The following SULF2 variants were observed in gnomAD, a reference collection of about 807,000 sequenced individuals.
SULF2 encodes sulfatase 2.
In SULF2, 52 loss-of-function variants were observed where a neutral mutation model predicts 107.7. That is an observed-to-expected ratio of 0.48 (90% CI 0.39 to 0.61). The LOEUF (loss-of-function observed/expected upper bound fraction) is 0.61, where lower values mean the gene tolerates loss of function less well. Ranked by LOEUF, SULF2 falls within the 20% of genes least tolerant of loss-of-function variation. The probability of loss-of-function intolerance (pLI) is 0.00; values close to 1 mark genes in which losing one functional copy is unlikely to be tolerated. For missense variants in SULF2, 993 were observed against 1,177.3 expected (o/e 0.84, Z 2.29); for synonymous variants, 460 against 464.3 (o/e 0.99, Z 0.12).
In SULF2 at chr20:47,666,742, G is replaced by A. The variant is rs1209941883; in HGVS notation, c.1577-254C>T. Among the ~76,000 whole-genome samples the A allele has an allele frequency of 1.3e-5, 2 of 152,224 alleles. No individual in the cohort carries two copies. Among genetic ancestry groups the A allele is most frequent in the African/African-American group, 2.4e-5 (1 of 41,456 alleles). On this transcript the variant is annotated intron_variant, in intron 11 of 20. Transcript: ENST00000688720. This position sits in a 1 kb window ranked among gnomAD's most constrained non-coding sequence, Gnocchi z 5.4. ...CCACTGACTCAAGAGGATTTCAAGC[G>A]AGAGCTGCTTGCGGGTAAACAAATG...
intron 4 of SULF2, among the ~76,000 whole-genome samples, chr20:47,700,331 T>C (rs2088519900): frequency 6.6e-6 from 1 of 152,214 alleles, no homozygotes; most frequent in African/African-American, 2.4e-5. Context: ...ACGGCAGACT[T>C]CTGCAGTGGT....
chr20:47,713,761 A>AAAT (rs1555841973), intron 3 of SULF2, among the ~76,000 whole-genome samples: 4 of 151,150 alleles, frequency 2.6e-5, no homozygotes, highest in African/African-American at 9.7e-5. Context: ...GAAAAAAAAA[A>AAAT]AATAATAAAA....
At chr20:47,661,941 C>G (rs1568776056) in intron 17 of SULF2, 45 bp from the exon 18 acceptor site, 1 of 1,453,482 alleles carries the variant, frequency 6.9e-7, no homozygotes, top group Admixed American at 2.0e-5. Context: ...AGTACAGGGA[C>G]TCTCGCCCTG....
At chr20:47,679,938 T>C (rs1433539965) in intron 7 of SULF2, among the ~76,000 whole-genome samples, 1 of 152,174 alleles carries the variant, frequency 6.6e-6, no homozygotes, top group Non-Finnish European at 1.5e-5. Flanking sequence ...CTATATAATT[T>C]ACTTATTTCT....
At chr20:47,693,328 A>ACCGCCAGTGGTGGACACTTGCTGCCAC (rs2088264505) in intron 4 of SULF2, among the ~76,000 whole-genome samples, 1 of 152,106 alleles carries the variant, frequency 6.6e-6, no homozygotes, top group African/African-American at 2.4e-5. Flanking sequence ...ATGAGATGGA[A>ACCGCCAGTGGTGGACACTTGCTGCCAC]CCGCCAGTGG....
chr20:47,785,321 C>T (rs2090906063), intron 1 of SULF2, 22 bp downstream of exon 1: 1 of 147,250 alleles, frequency 6.8e-6, no homozygotes, highest in Non-Finnish European at 1.5e-5. Flanking sequence ...AGCCACCCAC[C>T]TGCCCCCCAC....
intron 1 of SULF2, among the ~76,000 whole-genome samples, chr20:47,771,880 T>C (rs1021258819): frequency 2.0e-5 from 3 of 152,208 alleles, no homozygotes; most frequent in Admixed American, 2.0e-4. Flanking sequence ...CTTTTCCACC[T>C]GGGCCAGAAT....
chr20:47,725,863 G>C (rs1006433153), intron 3 of SULF2, among the ~76,000 whole-genome samples: 1 of 151,960 alleles, frequency 6.6e-6, no homozygotes, highest in Admixed American at 6.6e-5. Flanking sequence ...CCCTTCATTT[G>C]CTCAAATCCC....
intron 1 of SULF2, among the ~76,000 whole-genome samples, chr20:47,779,926 A>G (rs530477744): frequency 6.6e-6 from 1 of 151,990 alleles, no homozygotes; most frequent in Non-Finnish European, 1.5e-5. Context: ...TTTTATTTAA[A>G]ATAAAGTCTA....
intron 7 of SULF2, among the ~76,000 whole-genome samples, chr20:47,682,341 CA>C (rs2087849682): frequency 6.6e-6 from 1 of 152,212 alleles, no homozygotes; most frequent in African/African-American, 2.4e-5. Context: ...GTCTTAATAG[CA>C]ACACATCTGC....
rs181531109 is a variant in SULF2 at position 47,730,869 on chromosome 20, C to T, written c.415+5834G>A. 2.5e-4 allele frequency among the ~76,000 whole-genome samples: 38 copies of T among 152,196 alleles called. No homozygotes were observed. In the Middle Eastern group the frequency reaches 0.01, roughly 41 times the overall value. ...AGCCCTTGATTTCTACCTGGCAGTC[C>T]AAGTGCTGGGGAAAAAGGGACTCAG... On this transcript the variant is annotated intron_variant, in intron 3 of 20. Transcript: ENST00000688720.
rs930983498 is a variant in SULF2, at chr20:47,676,569, A to G, written c.1305T>C (p.Phe435=). The change falls in exon 10 of 21, where the codon TTT becomes TTC. Residue 435 remains phenylalanine (F), a synonymous_variant. Coordinates refer to ENST00000688720, the MANE Select transcript of SULF2 (RefSeq NM_001387048.1). ...NDKVDAQEEN[F]LPKYQRVKDL... is the part of the protein sequence containing the mutation. ...CCTTCACACGCTGGTACTTGGGCAG[A>G]AAGTTCTCCTCCTGGGCGTCCACCT... is the stretch of plus-strand genomic sequence containing the variant. 1 of 1,579,036 alleles carries G rather than the reference A, an allele frequency of 6.3e-7. No homozygotes were observed.
rs2146813200 is a variant in SULF2, at chr20:47,741,366, C to T, written c.176-4424G>A. Among the ~76,000 whole-genome samples the T allele has an allele frequency of 1.3e-5, 2 of 152,144 alleles. 1 individual carries two copies. The highest frequency in any genetic ancestry group is 4.2e-4 in the South Asian group (2 of 4,810). ...CCTGCTGTTCCTTCTGCCTGGAAGA[C>T]CTCTCCCCCGGAGCCCCGCAGCGGT... On this transcript the variant is annotated intron_variant, in intron 2 of 20. Transcript: ENST00000688720.
Position 47,665,750 on chromosome 20 carries a change from T to C in SULF2, c.1902+107A>G. 1.7e-5 allele frequency: 15 copies of C among 906,182 alleles called. No individual in the cohort carries two copies. The South Asian group carries it at 2.2e-4, about 13-fold the overall frequency. 56.1% of individuals were successfully genotyped at this position (906,182 alleles called of 1,614,324 possible). A position where few individuals can be genotyped will look rare whatever the true frequency, so the allele number is the denominator to read the frequency against. On this transcript the variant is annotated intron_variant, in intron 13 of 20. Coordinates refer to ENST00000688720, the MANE Select transcript of SULF2 (RefSeq NM_001387048.1). ...ATCTGTGGGGACCTCACTTCACCTC[T>C]CCAGCCTCTTCCCTGGGTCTGGCCT... is the stretch of plus-strand genomic sequence containing the variant.
chr20:47,694,541 C>T lies in SULF2; in HGVS notation c.568-4246G>A, dbSNP rs1204113123. ...CCCGGCGCCCAGGAGTCAGGCTCTA[C>T]CCAGGTGCTGCTGGCCTGCACAGCT... On this transcript the variant is annotated intron_variant, in intron 4 of 20. Transcript: ENST00000688720. This position sits in a 1 kb window ranked among gnomAD's most constrained non-coding sequence, Gnocchi z 4.4. Among the ~76,000 whole-genome samples, 2 of 152,116 alleles carry T rather than the reference C, an allele frequency of 1.3e-5. No individual in the cohort carries two copies. The highest frequency in any genetic ancestry group is 4.8e-5 in the African/African-American group (2 of 41,410).
Position 47,678,518 on chromosome 20 carries a change from T to C in SULF2, c.1193+158A>G. ...CAGAATCTCGGAGAGGGGACCATGC[T>C]TCTCTCCCACAGCAGGTAAGTGGTT... On this transcript the variant is annotated intron_variant, in intron 8 of 20. Transcript: ENST00000688720. The surrounding 1 kb of genome is among the most constrained non-coding windows in gnomAD (Gnocchi z 4.5). 1.1e-6 allele frequency: 1 copy of C among 936,446 alleles called. No individual in the cohort carries two copies. The highest frequency in any genetic ancestry group is 2.5e-5 in the East Asian group (1 of 40,082). The allele number at this position is 936,446 out of a possible 1,614,324, so 58.0% of individuals were successfully genotyped here. A position where few individuals can be genotyped will look rare whatever the true frequency, so the allele number is the denominator to read the frequency against.
chr20:47,774,627 A>G (rs1047241154), intron 1 of SULF2, among the ~76,000 whole-genome samples: 1 of 152,160 alleles, frequency 6.6e-6, no homozygotes, highest in African/African-American at 2.4e-5. Flanking sequence ...CTGGACTTTC[A>G]AAGTCCATTC....
chr20:47,658,534 A>G lies in SULF2; in HGVS notation c.2583-142T>C, dbSNP rs769847053. 338 of 897,572 alleles carry G rather than the reference A, an allele frequency of 3.8e-4. 6 individuals are homozygous for G. Among genetic ancestry groups the G allele is most frequent in the Middle Eastern group, 3.5e-3 (16 of 4,618 alleles). The allele number at this position is 897,572 out of a possible 1,614,324, so 55.6% of individuals were successfully genotyped here. A position where few individuals can be genotyped will look rare whatever the true frequency, so the allele number is the denominator to read the frequency against. The stretch of plus-strand genomic sequence containing the variant: ...CTAGGTTACTTAGAACGGGATTGCC[A>G]CCACCTAGTCACCTCAATTTTTTGT... On this transcript the variant is annotated intron_variant, in intron 20 of 20. Transcript: ENST00000688720.
chr20:47,697,548 C>T (rs1413513879), intron 4 of SULF2, among the ~76,000 whole-genome samples: 1 of 152,182 alleles, frequency 6.6e-6, no homozygotes, highest in Admixed American at 6.5e-5. Context: ...CGCTTGGGCT[C>T]CTGCTGCCCA....
Sources: gnomAD v4.1 joint callset for allele counts (sites outside exome capture counted in the v4.1 genomes callset) on GRCh38, gnomAD v4.1.1 for gene constraint, Gnocchi (gnomAD v3.1) non-coding constraint, MANE v1.5 for transcripts, NCBI Gene and HGNC (gene_info 2026-07-23, HGNC 2026-07-21) for gene names.